Variants in SPINK4 observed in about 807,000 individuals in gnomAD.
SPINK4 encodes serine protease inhibitor Kazal-type 4.
SPINK4 carries 10 observed loss-of-function variants against 12.3 expected under a neutral mutation model. That is an observed-to-expected ratio of 0.81 (90% CI 0.50 to 1.37). The LOEUF (loss-of-function observed/expected upper bound fraction) is 1.37, where lower values mean the gene tolerates loss of function less well. SPINK4 is among the 40% of genes most tolerant of loss of function. The pLI, the probability that SPINK4 is intolerant of heterozygous loss-of-function variation, is 0.00. For synonymous variants in SPINK4, 37 were observed against 40.2 expected, an observed-to-expected ratio of 0.92 and a Z score of 0.30; for missense variants, 91 against 109.0, an observed-to-expected ratio of 0.84 and a Z score of 0.73.
chr9:33,243,342 G>A (rs1468100932), intron 1 of SPINK4, among the ~76,000 whole-genome samples: 1 of 151,814 alleles, frequency 6.6e-6, no homozygotes, highest in Admixed American at 6.6e-5. Flanking sequence ...CAAAGCGCTG[G>A]GATTACAGGT....
At chr9:33,243,658 A>T (rs1820260515) in intron 1 of SPINK4, among the ~76,000 whole-genome samples, 1 of 152,124 alleles carries the variant, frequency 6.6e-6, no homozygotes, top group Non-Finnish European at 1.5e-5. Flanking sequence ...GTATTTATTT[A>T]TCCATTCTCC....
chr9:33,245,458 T>G (rs1820276348), intron 2 of SPINK4, among the ~76,000 whole-genome samples: 1 of 152,240 alleles, frequency 6.6e-6, no homozygotes. Flanking sequence ...GTGTGCTCTC[T>G]GCTCTGTATA....
In SPINK4 at chr9:33,243,967, T is replaced by G. The variant is rs143398611; in HGVS notation, c.62-1145T>G. ...GCTCCCACTGAGAGAAAATTCTGCT[T>G]CATATGGAACCCAAACCTGCTTCCC... On this transcript the variant is annotated intron_variant, in intron 1 of 3. Transcript: ENST00000379721. Among the ~76,000 whole-genome samples the G allele has an allele frequency of 4.0e-4, 61 of 152,216 alleles. 1 individual carries two copies. Among genetic ancestry groups the G allele is most frequent in the African/African-American group, 1.4e-3 (59 of 41,548 alleles).
chr9:33,240,695 C>T (rs1200053366), intron 1 of SPINK4, among the ~76,000 whole-genome samples: 1 of 152,178 alleles, frequency 6.6e-6, no homozygotes, highest in African/African-American at 2.4e-5. Context: ...CCCGATCTCT[C>T]TGAAAGGCTG....
intron 3 of SPINK4, among the ~76,000 whole-genome samples, chr9:33,247,160 A>AT (rs34574251): frequency 0.27 from 36,636 of 135,932 alleles, 5,975 homozygotes; most frequent in African/African-American, 0.43. Context: ...GCAGCACAGA[A>AT]TTTTTTTTTT....
At chr9:33,243,009 G>A (rs934838018) in intron 1 of SPINK4, among the ~76,000 whole-genome samples, 1 of 151,700 alleles carries the variant, frequency 6.6e-6, no homozygotes, top group African/African-American at 2.4e-5. Context: ...ACAAGTAGCT[G>A]GGACTACAGG....
intron 1 of SPINK4, among the ~76,000 whole-genome samples, chr9:33,240,780 G>A (rs1310003312): frequency 1.3e-5 from 2 of 152,176 alleles, no homozygotes; most frequent in Non-Finnish European, 2.9e-5. Context: ...CTTGGGGCAG[G>A]GCCCTCTCAG....
At chr9:33,242,963 C>T (rs1820251898) in intron 1 of SPINK4, among the ~76,000 whole-genome samples, 1 of 151,792 alleles carries the variant, frequency 6.6e-6, no homozygotes, top group South Asian at 2.1e-4. Flanking sequence ...GCAGCTTCAA[C>T]CTCCTGGATT....
At chr9:33,248,067 C>A (rs1048878393) in intron 3 of SPINK4, 1 of 242,038 alleles carries the variant, frequency 4.1e-6, no homozygotes, top group Non-Finnish European at 8.1e-6. Context: ...GGGGTCTGTA[C>A]CAGTTCTGTG....
At chr9:33,243,904 T>TCA (rs1820262500) in intron 1 of SPINK4, among the ~76,000 whole-genome samples, 1 of 152,140 alleles carries the variant, frequency 6.6e-6, no homozygotes, top group South Asian at 2.1e-4. Context: ...GATGGGAAAC[T>TCA]CACTACTTCT....
intron 3 of SPINK4, 28 bp downstream of exon 3, chr9:33,246,756 C>CAGGGG: frequency 6.2e-7 from 1 of 1,601,300 alleles, no homozygotes; most frequent in Non-Finnish European, 8.6e-7. Context: ...CCCCTGCTTG[C>CAGGGG]TTGGGTGGGC....
intron 1 of SPINK4, among the ~76,000 whole-genome samples, chr9:33,243,537 G>T (rs896306479): frequency 1.3e-5 from 2 of 152,178 alleles, no homozygotes; most frequent in African/African-American, 2.4e-5. Flanking sequence ...GAATCATAGG[G>T]TATATAATCT....
At chr9:33,245,773 C>T (rs949938424) in intron 2 of SPINK4, among the ~76,000 whole-genome samples, 10 of 152,194 alleles carry the variant, frequency 6.6e-5, no homozygotes, top group African/African-American at 1.4e-4. Flanking sequence ...AATCCAGCCC[C>T]GCTTATTCAG....
chr9:33,247,869 G>C (rs1240764851), intron 3 of SPINK4: 2 of 153,756 alleles, frequency 1.3e-5, no homozygotes, highest in Non-Finnish European at 1.4e-5. Flanking sequence ...GGAACATCAG[G>C]ATGTTGTCCT....
At chr9:33,246,816 C>T in intron 3 of SPINK4, 88 bp downstream of exon 3, 1 of 1,108,804 alleles carries the variant, frequency 9.0e-7, no homozygotes, top group Non-Finnish European at 1.4e-6. Context: ...CCTGCTTCTT[C>T]CTTCATACAC....
At position 33,246,676 on chromosome 9, in the gene SPINK4, G is replaced by C. The variant is rs780472981; in HGVS notation, c.163G>C (p.Gly55Arg). Residue 55 changes from glycine (G) to arginine (R), a missense_variant, in exon 3 of 4, where the codon GGC (glycine) becomes CGC (arginine). Coordinates refer to ENST00000379721, the MANE Select transcript of SPINK4 (RefSeq NM_014471.3). ...TCSQMSNLVC[G>R]TDGLTYTNEC... ...TTCCCAGATGTCCAACCTGGTCTGC[G>C]GCACTGATGGGCTCACATATACGAA... is the stretch of plus-strand genomic sequence containing the variant. The C allele has an allele frequency of 1.4e-5, 22 of 1,613,900 alleles. No homozygotes were observed. In the South Asian group the frequency reaches 2.4e-4, roughly 18 times the overall value.
Position 33,246,671 on chromosome 9 carries a change from T to G in SPINK4, c.158T>G (p.Val53Gly). 1 of 1,614,080 alleles carries G rather than the reference T, an allele frequency of 6.2e-7. No homozygotes were observed. The change falls in exon 3 of 4, where the codon GTC (valine) becomes GGC (glycine). Residue 53 changes from valine (V) to glycine (G), a missense_variant. Transcript: ENST00000379721. ...SPTCSQMSNL[V>G]CGTDGLTYTN... ...ACCTGTTCCCAGATGTCCAACCTGGTCTGCGGCACTGATGGGCTCACATAT... is the reference window on the plus strand; with the variant it reads ...ACCTGTTCCCAGATGTCCAACCTGGGCTGCGGCACTGATGGGCTCACATAT...
chr9:33,241,902 CAG>C (rs1268346079), intron 1 of SPINK4, among the ~76,000 whole-genome samples: 1 of 151,336 alleles, frequency 6.6e-6, no homozygotes, highest in Non-Finnish European at 1.5e-5. Flanking sequence ...TTTTTCAAGA[CAG>C]AGTCTTGCTT....
intron 1 of SPINK4, 94 bp downstream of exon 1, chr9:33,240,363 C>T (rs1820220827): frequency 8.6e-7 from 1 of 1,167,378 alleles, no homozygotes; most frequent in Non-Finnish European, 1.2e-6. Flanking sequence ...CCTGTGAGGC[C>T]TCAGCTTTTT....
Sources: gnomAD v4.1 joint callset for allele counts (sites outside exome capture counted in the v4.1 genomes callset) on GRCh38, gnomAD v4.1.1 for gene constraint, MANE v1.5 for transcripts, NCBI Gene and HGNC (gene_info 2026-07-23, HGNC 2026-07-21) for gene names.